GPLD1: variants seen among roughly 807,000 people sequenced by gnomAD.
GPLD1 encodes the protein glycosylphosphatidylinositol specific phospholipase D1.
GPLD1 carries 84 observed loss-of-function variants against 112.6 expected under a neutral mutation model. The observed-to-expected ratio is 0.75, with a 90% CI of 0.63 to 0.89. The LOEUF is 0.89. GPLD1 is among the 40% of genes least tolerant of loss of function. The pLI is 0.00. For missense variants in GPLD1, 1,044 were observed against 1,051.5 expected, an observed-to-expected ratio of 0.99 and a Z score of 0.10; for synonymous variants, 386 against 403.8, an observed-to-expected ratio of 0.96 and a Z score of 0.53.
In GPLD1 at chr6:24,489,190, G is replaced by A. The variant is rs989347539; in HGVS notation, c.97+225C>T. ...AACACACAGGGGTCCCATGACCAAT[G>A]GGGCATCAGCTCTCTTTCTTATTTG... On this transcript the variant is annotated intron_variant, in intron 1 of 24. Coordinates refer to ENST00000230036, the MANE Select transcript of GPLD1 (RefSeq NM_001503.4). Among the ~76,000 whole-genome samples, 3 of 152,098 alleles carry A rather than the reference G, an allele frequency of 2.0e-5. No individual in the cohort carries two copies. In the East Asian group the frequency reaches 5.8e-4, roughly 29 times the overall value.
At chr6:24,479,856 T>C (rs752456440) in intron 3 of GPLD1, 25 bp downstream of exon 3, 3 of 1,343,112 alleles carry the variant, frequency 2.2e-6, no homozygotes, top group South Asian at 1.2e-5. Context: ...AGTGACTTCA[T>C]TCAGTCTGCA....
At chr6:24,479,171 A>C (rs1025185628) in intron 3 of GPLD1, among the ~76,000 whole-genome samples, 1 of 152,078 alleles carries the variant, frequency 6.6e-6, no homozygotes, top group African/African-American at 2.4e-5. Context: ...GTCAACCCCA[A>C]GATAACCTCC....
At chr6:24,462,648 G>C in intron 11 of GPLD1, 82 bp downstream of exon 11, 1 of 866,220 alleles carries the variant, frequency 1.2e-6, no homozygotes, top group East Asian at 2.4e-5. Context: ...TCTCTCAACA[G>C]ATCCCGTGTT....
At chr6:24,433,516 G>C (rs1477196318) in intron 22 of GPLD1, 127 bp from the exon 23 acceptor site, 2 of 603,624 alleles carry the variant, frequency 3.3e-6, no homozygotes, top group East Asian at 6.0e-5. Context: ...TTTTTGAGAA[G>C]GAGTCTTGCT....
At chr6:24,452,635 G>T (rs1763127827) in intron 14 of GPLD1, among the ~76,000 whole-genome samples, 1 of 152,084 alleles carries the variant, frequency 6.6e-6, no homozygotes, top group Admixed American at 6.6e-5. Context: ...AATTAGCCGG[G>T]CATGGCGGTG....
At chr6:24,432,171 C>A (rs1762423689) in intron 24 of GPLD1, among the ~76,000 whole-genome samples, 1 of 146,730 alleles carries the variant, frequency 6.8e-6, no homozygotes, top group Non-Finnish European at 1.5e-5. Flanking sequence ...CACTTGAGTC[C>A]AGGAGACAGA....
At chr6:24,491,070 C>G (rs1764544293), upstream of GPLD1, among the ~76,000 whole-genome samples, 1 of 152,186 alleles carries the variant, frequency 6.6e-6, no homozygotes, top group South Asian at 2.1e-4. Context: ...GCATCATGAA[C>G]TGACGCTCCC....
At chr6:24,475,539 C>CAA (rs5874985) in intron 4 of GPLD1, among the ~76,000 whole-genome samples, 1,406 of 120,754 alleles carry the variant, frequency 0.012, 28 homozygotes, top group African/African-American at 0.039. Context: ...GACTCTGTCT[C>CAA]AAAAAAAAAA....
At chr6:24,479,797 C>CAT (rs3032260) in intron 3 of GPLD1, 84 bp downstream of exon 3, 211 of 751,600 alleles carry the variant, frequency 2.8e-4, no homozygotes, top group Middle Eastern at 5.7e-4. Context: ...ATTGTACACA[C>CAT]ATATATATAT....
intron 7 of GPLD1, among the ~76,000 whole-genome samples, chr6:24,470,733 G>T (rs1008425104): frequency 6.6e-6 from 1 of 152,060 alleles, no homozygotes; most frequent in African/African-American, 2.4e-5. Context: ...CAAGTTGCTG[G>T]GATTACAGGC....
In GPLD1 at chr6:24,473,676, G is replaced by C; in HGVS notation, c.442-9C>G. ...GAGCCGTGAAAATCAATCTAAGAAA[G>C]AAAGAGAACCATCTGGTGTGTATTA... On this transcript the variant is annotated splice_polypyrimidine_tract_variant and intron_variant, in intron 5 of 24. Transcript: ENST00000230036. 2 of 1,595,742 alleles carry C rather than the reference G, an allele frequency of 1.3e-6. No individual in the cohort carries two copies.
chr6:24,465,583 AAAAG>A (rs1392300614), intron 10 of GPLD1, among the ~76,000 whole-genome samples: 2 of 152,110 alleles, frequency 1.3e-5, no homozygotes, highest in African/African-American at 4.8e-5. Flanking sequence ...AAAAAAAAGA[AAAAG>A]AAAGAAATGG....
chr6:24,428,971 T>G lies in GPLD1; in HGVS notation c.*61A>C, dbSNP rs1762320629. On this transcript the variant is annotated 3_prime_UTR_variant, in exon 25 of 25. Transcript: ENST00000230036. ...TGTGCCACTTTGTCCATCAAAATGC[T>G]CACCATGGATGTGATTCAGCATGAG... 12 of 1,158,308 alleles carry G rather than the reference T, an allele frequency of 1.0e-5. No individual in the cohort carries two copies. In the Admixed American group the frequency reaches 2.3e-4, roughly 22 times the overall value. 71.8% of individuals were successfully genotyped at this position (1,158,308 alleles called of 1,614,324 possible). A position where few individuals can be genotyped will look rare whatever the true frequency, so the allele number is the denominator to read the frequency against.
At chr6:24,483,555 T>C (rs1350325344) in intron 2 of GPLD1, among the ~76,000 whole-genome samples, 6 of 151,570 alleles carry the variant, frequency 4.0e-5, no homozygotes, top group Non-Finnish European at 5.9e-5. Context: ...GGTGCACGCC[T>C]GTATTCCCAG....
chr6:24,488,407 G>A (rs1362138405), intron 1 of GPLD1, among the ~76,000 whole-genome samples: 9 of 108,370 alleles, frequency 8.3e-5, no homozygotes, highest in African/African-American at 3.3e-4. Context: ...GCGAGACTCC[G>A]TCTCAAAAAA....
intron 3 of GPLD1, 111 bp downstream of exon 3, chr6:24,479,770 T>C: frequency 1.7e-6 from 1 of 597,048 alleles, no homozygotes. Flanking sequence ...GAAAATATAC[T>C]GTGCAATTAA....
intron 6 of GPLD1, 144 bp from the exon 7 acceptor site, chr6:24,472,780 CT>C (rs199628294): frequency 0.2 from 93,931 of 472,358 alleles, no homozygotes; most frequent in South Asian, 0.27. Context: ...AAAGGCATGC[CT>C]TTTTTTTTTT....
intron 14 of GPLD1, among the ~76,000 whole-genome samples, chr6:24,451,649 C>T (rs935411663): frequency 6.6e-6 from 1 of 152,162 alleles, no homozygotes; most frequent in African/African-American, 2.4e-5. Context: ...TTCTCCAATT[C>T]TTTCACAACT....
chr6:24,445,969 G>T lies in GPLD1; in HGVS notation c.1821-138C>A, dbSNP rs1762898307. On this transcript the variant is annotated intron_variant, in intron 18 of 24. Transcript: ENST00000230036. ...CTCTGTCTCTGCGACCCCAGGCCTG[G>T]AAGTGTGGGGACTATTGGAGTTAAT... 1.4e-5 allele frequency: 9 copies of T among 648,366 alleles called. No individual in the cohort carries two copies. The South Asian group carries it at 1.4e-4, about 10-fold the overall frequency. 40.2% of individuals were successfully genotyped at this position (648,366 alleles called of 1,614,324 possible).
Sources: allele counts gnomAD v4.1 joint callset (sites outside exome capture counted in the v4.1 genomes callset), GRCh38; gene constraint gnomAD v4.1.1; transcripts MANE v1.5; gene names NCBI Gene and HGNC (gene_info 2026-07-23, HGNC 2026-07-21).